Variants in KCNMB2 observed in about 807,000 individuals in gnomAD.
KCNMB2 encodes the protein calcium-activated potassium channel subunit beta-2.
Under a neutral mutation model 24.5 loss-of-function variants are expected in KCNMB2, and 9 were observed. That is an observed-to-expected ratio of 0.37 (90% CI 0.22 to 0.64). KCNMB2 has a LOEUF of 0.64. KCNMB2 is among the 30% of genes least tolerant of loss of function. KCNMB2 has a pLI of 0.63. For synonymous variants in KCNMB2, 109 were observed against 104.4 expected (o/e 1.04, Z -0.27); for missense variants, 226 against 284.3 (o/e 0.79, Z 1.47).
chr3:178,589,835 T>A (rs1717594917), intron 1 of KCNMB2, among the ~76,000 whole-genome samples: 1 of 152,166 alleles, frequency 6.6e-6, no homozygotes, highest in Non-Finnish European at 1.5e-5. Flanking sequence ...GGACGCAGAG[T>A]AATTAACCAT....
intron 1 of KCNMB2, among the ~76,000 whole-genome samples, chr3:178,599,766 C>A (rs979533326): frequency 6.6e-6 from 1 of 152,166 alleles, no homozygotes; most frequent in African/African-American, 2.4e-5. Context: ...ACTCGTTTCC[C>A]TCTCCTCTGC....
At chr3:178,594,064 G>C (rs1577035172) in intron 1 of KCNMB2, among the ~76,000 whole-genome samples, 1 of 151,752 alleles carries the variant, frequency 6.6e-6, no homozygotes, top group Admixed American at 6.6e-5. Flanking sequence ...ACCTACCCAA[G>C]TGTGCCTGGC....
intron 1 of KCNMB2, among the ~76,000 whole-genome samples, chr3:178,794,038 G>C (rs1713432870): frequency 6.6e-6 from 1 of 152,150 alleles, no homozygotes; most frequent in Non-Finnish European, 1.5e-5. Context: ...AGGCTGGACA[G>C]TGCCGCATGT....
At chr3:178,619,542 T>C (rs1435807700) in intron 1 of KCNMB2, among the ~76,000 whole-genome samples, 3 of 152,098 alleles carry the variant, frequency 2.0e-5, no homozygotes, top group Admixed American at 1.3e-4. Flanking sequence ...TACCTCTAAC[T>C]CATTTTATTA....
intron 1 of KCNMB2, among the ~76,000 whole-genome samples, chr3:178,591,062 G>A (rs974448343): frequency 2.0e-5 from 3 of 152,146 alleles, no homozygotes; most frequent in Non-Finnish European, 4.4e-5. Flanking sequence ...CAGGAAACTT[G>A]TAAAACAAAA....
chr3:178,665,401 G>A (rs953054064), intron 1 of KCNMB2, among the ~76,000 whole-genome samples: 2 of 152,084 alleles, frequency 1.3e-5, no homozygotes. Context: ...AAAATACTGA[G>A]CTGGCAACCC....
chr3:178,838,462 C>T (rs555904552), intron 4 of KCNMB2, among the ~76,000 whole-genome samples: 2 of 152,040 alleles, frequency 1.3e-5, no homozygotes, highest in South Asian at 2.1e-4. Flanking sequence ...AAGAACAGCA[C>T]ATTAAACGTG....
At chr3:178,615,058 G>A (rs1718655811) in intron 1 of KCNMB2, among the ~76,000 whole-genome samples, 1 of 152,134 alleles carries the variant, frequency 6.6e-6, no homozygotes, top group African/African-American at 2.4e-5. Flanking sequence ...CAAGATTTAG[G>A]AGAATTATCT....
At chr3:178,563,163 AT>A (rs1716384462) in intron 1 of KCNMB2, among the ~76,000 whole-genome samples, 2 of 152,338 alleles carry the variant, frequency 1.3e-5, no homozygotes, top group Admixed American at 1.3e-4. Flanking sequence ...CCTTCCAAGT[AT>A]TTGAAGGTTG....
At chr3:178,589,616 C>G (rs1717588273) in intron 1 of KCNMB2, among the ~76,000 whole-genome samples, 1 of 152,114 alleles carries the variant, frequency 6.6e-6, no homozygotes, top group Non-Finnish European at 1.5e-5. Flanking sequence ...GTAGCTAGGA[C>G]TACAAGTGTG....
intron 1 of KCNMB2, among the ~76,000 whole-genome samples, chr3:178,718,735 C>T (rs1183139806): frequency 1.3e-5 from 2 of 152,190 alleles, no homozygotes; most frequent in African/African-American, 4.8e-5. Context: ...CCCACACCTT[C>T]TCAGAAAGTC....
At chr3:178,639,569 A>C (rs368688139) in intron 1 of KCNMB2, among the ~76,000 whole-genome samples, 5 of 152,336 alleles carry the variant, frequency 3.3e-5, no homozygotes, top group Admixed American at 2.0e-4. Flanking sequence ...AAATAAATAA[A>C]ATAATATCTA....
intron 1 of KCNMB2, among the ~76,000 whole-genome samples, chr3:178,738,713 C>T (rs1723395911): frequency 6.6e-6 from 1 of 152,178 alleles, no homozygotes. Flanking sequence ...TTCCTTCCTA[C>T]ACCCTAATTC....
intron 1 of KCNMB2, among the ~76,000 whole-genome samples, chr3:178,557,069 A>G (rs1329445462): frequency 6.6e-6 from 1 of 152,188 alleles, no homozygotes; most frequent in Non-Finnish European, 1.5e-5. Context: ...TGAAGAATAA[A>G]CAAGGATTAA....
At chr3:178,692,217 T>C (rs1184754368) in intron 1 of KCNMB2, among the ~76,000 whole-genome samples, 1 of 152,256 alleles carries the variant, frequency 6.6e-6, no homozygotes, top group African/African-American at 2.4e-5. Flanking sequence ...GATGATAGTT[T>C]CTTTTGCTGT....
intron 4 of KCNMB2, among the ~76,000 whole-genome samples, 180 bp downstream of exon 4, chr3:178,828,553 C>G (rs150822371): frequency 5.8e-4 from 89 of 152,280 alleles, no homozygotes; most frequent in African/African-American, 2.1e-3. Flanking sequence ...ATTTTCTGTG[C>G]AAGTTGTGGA....
At chr3:178,683,074 C>T (rs1305792871) in intron 1 of KCNMB2, among the ~76,000 whole-genome samples, 1 of 152,020 alleles carries the variant, frequency 6.6e-6, no homozygotes, top group Admixed American at 6.6e-5. Flanking sequence ...ATGGCAAAGA[C>T]ATGGAATCAA....
chr3:178,723,753 T>C (rs553507303), intron 1 of KCNMB2, among the ~76,000 whole-genome samples: 70 of 152,282 alleles, frequency 4.6e-4, no homozygotes, highest in Non-Finnish European at 7.2e-4. Context: ...TTATTTTCTG[T>C]TTCTGTGTTT....
At chr3:178,813,815 A>G (rs547951761) in intron 2 of KCNMB2, among the ~76,000 whole-genome samples, 1 of 152,296 alleles carries the variant, frequency 6.6e-6, no homozygotes, top group South Asian at 2.1e-4. Context: ...GGAAATTTGG[A>G]TATTTCATTT....
Sources: allele counts gnomAD v4.1 joint callset (sites outside exome capture counted in the v4.1 genomes callset), GRCh38; gene constraint gnomAD v4.1.1; transcripts MANE v1.5; gene names NCBI Gene and HGNC (gene_info 2026-07-23, HGNC 2026-07-21).